The following EIF3M variants were observed in gnomAD, a reference collection of about 807,000 sequenced individuals.
EIF3M encodes the protein eukaryotic translation initiation factor 3 subunit M, also known as B5 receptor.
A neutral mutation model predicts 49.7 loss-of-function variants in EIF3M; 25 were observed. The observed-to-expected ratio is 0.50, with a 90% CI of 0.37 to 0.70. The LOEUF (loss-of-function observed/expected upper bound fraction) is 0.70. Ranked by LOEUF, EIF3M falls within the 30% of genes least tolerant of loss-of-function variation. The probability of loss-of-function intolerance (pLI) is 0.00; values close to 1 mark genes in which losing one functional copy is unlikely to be tolerated. For missense variants in EIF3M, 350 were observed against 440.0 expected (o/e 0.80, Z 1.83); for synonymous variants, 156 against 149.8 (o/e 1.04, Z -0.30).
intron 1 of EIF3M, among the ~76,000 whole-genome samples, chr11:32,585,833 T>G (rs1036305145): frequency 9.7e-6 from 1 of 102,962 alleles, no homozygotes; most frequent in Non-Finnish European, 2.0e-5. Flanking sequence ...AAAATCTTGA[T>G]GGCTTTGAAT....
At chr11:32,588,987 GTTTA>G (rs1279961074) in intron 3 of EIF3M, 21 bp from the exon 4 acceptor site, 1 of 1,611,116 alleles carries the variant, frequency 6.2e-7, no homozygotes, top group Non-Finnish European at 8.5e-7. Context: ...TTCAAACATT[GTTTA>G]TTTGTTTGTT....
At chr11:32,590,202 A>G (rs1819741099) in intron 5 of EIF3M, among the ~76,000 whole-genome samples, 1 of 152,204 alleles carries the variant, frequency 6.6e-6, no homozygotes. Flanking sequence ...AAAGGGTAAT[A>G]TTTCATGATA....
chr11:32,594,905 C>G lies in EIF3M; in HGVS notation c.618-9C>G, dbSNP rs1160107236. ...AACCCTGAGCTTACATTTTTGTTCT[C>G]TAATTAAGGTGTATTGTACGAGCAT... is the stretch of plus-strand genomic sequence containing the variant. On this transcript the variant is annotated splice_polypyrimidine_tract_variant and intron_variant, in intron 6 of 10. Coordinates refer to ENST00000531120, the MANE Select transcript of EIF3M (RefSeq NM_006360.6). The G allele has an allele frequency of 1.2e-6, 2 of 1,600,442 alleles. No individual in the cohort carries two copies. The highest frequency in any genetic ancestry group is 8.5e-7 in the Non-Finnish European group (1 of 1,175,274).
chr11:32,593,200 G>A (rs1855128943), intron 5 of EIF3M, among the ~76,000 whole-genome samples: 1 of 152,168 alleles, frequency 6.6e-6, no homozygotes, highest in South Asian at 2.1e-4. Flanking sequence ...CTTTCTATAA[G>A]CTGAAGATTC....
At position 32,604,738 on chromosome 11, in the gene EIF3M, T is replaced by G. The variant is rs1215442351; in HGVS notation, c.*2339T>G. 1 of 152,236 alleles carries G rather than the reference T, an allele frequency of 6.6e-6. No individual in the cohort carries two copies. The highest frequency in any genetic ancestry group is 6.5e-5 in the Admixed American group (1 of 15,286). 9.4% of individuals were successfully genotyped at this position (152,236 alleles called of 1,614,324 possible). A position where few individuals can be genotyped will look rare whatever the true frequency, so the allele number is the denominator to read the frequency against. On this transcript the variant is annotated 3_prime_UTR_variant, in exon 11 of 11. Coordinates refer to ENST00000531120, the MANE Select transcript of EIF3M (RefSeq NM_006360.6). The stretch of plus-strand genomic sequence containing the variant: ...GCAGTGATTATCATTTGTTCATAAA[T>G]CTTTGTGAAGATCTTTGGGTACTGC...
At chr11:32,584,845 A>T (rs570829399) in intron 1 of EIF3M, among the ~76,000 whole-genome samples, 1 of 152,258 alleles carries the variant, frequency 6.6e-6, no homozygotes, top group African/African-American at 2.4e-5. Context: ...TACAGGGCTG[A>T]TGGTTCTCAT....
intron 1 of EIF3M, 143 bp from the exon 2 acceptor site, chr11:32,586,868 AT>A: frequency 9.0e-7 from 1 of 1,111,486 alleles, no homozygotes; most frequent in Non-Finnish European, 1.2e-6. Context: ...GCCAAGATGG[AT>A]GAGGTGAGGG....
chr11:32,601,501 T>TAA (rs60498109), intron 9 of EIF3M: 526 of 217,044 alleles, frequency 2.4e-3, no homozygotes, highest in East Asian at 8.5e-3. Context: ...TAGCATTCTT[T>TAA]AAAAAAAAAA....
chr11:32,589,213 G>A (rs1239453339), intron 4 of EIF3M, 78 bp downstream of exon 4: 3 of 1,563,184 alleles, frequency 1.9e-6, no homozygotes, highest in Middle Eastern at 2.0e-4. Flanking sequence ...TTTCACTGTT[G>A]TTGCCCAGGC....
intron 8 of EIF3M, among the ~76,000 whole-genome samples, chr11:32,597,331 GT>G (rs1297742914): frequency 5.7e-5 from 8 of 141,322 alleles, no homozygotes; most frequent in East Asian, 1.9e-4. Flanking sequence ...GTAACAAATA[GT>G]TTTTTCCCCC....
chr11:32,595,310 C>T (rs1327973725), intron 7 of EIF3M, among the ~76,000 whole-genome samples: 1 of 152,052 alleles, frequency 6.6e-6, no homozygotes, highest in Non-Finnish European at 1.5e-5. Flanking sequence ...ACTGCAACCT[C>T]TGCCTCCCTG....
In EIF3M at chr11:32,604,716, G is replaced by A. The variant is rs1252127527; in HGVS notation, c.*2317G>A. 6.6e-6 allele frequency: 1 copy of A among 152,170 alleles called. No homozygotes were observed. The highest frequency in any genetic ancestry group is 2.4e-5 in the African/African-American group (1 of 41,448). 9.4% of individuals were successfully genotyped at this position (152,170 alleles called of 1,614,324 possible). A position where few individuals can be genotyped will look rare whatever the true frequency, so the allele number is the denominator to read the frequency against. On this transcript the variant is annotated 3_prime_UTR_variant, in exon 11 of 11. Coordinates refer to ENST00000531120, the MANE Select transcript of EIF3M (RefSeq NM_006360.6). ...AATGGTCACTGTTAACTAGGCTGCAGTGATTATCATTTGTTCATAAATCTT... is the reference window on the plus strand; with the variant it reads ...AATGGTCACTGTTAACTAGGCTGCAATGATTATCATTTGTTCATAAATCTT...
chr11:32,584,247 C>T (rs1209054989), intron 1 of EIF3M: 3 of 390,848 alleles, frequency 7.7e-6, no homozygotes, highest in Admixed American at 8.3e-5. Flanking sequence ...CAGCCACATT[C>T]GGAGTGGGAG....
intron 2 of EIF3M, among the ~76,000 whole-genome samples, chr11:32,588,210 G>A (rs1855030465): frequency 6.6e-6 from 1 of 152,038 alleles, no homozygotes; most frequent in Non-Finnish European, 1.5e-5. Flanking sequence ...CCAATATGGT[G>A]AAACCCCGTC....
chr11:32,591,733 T>C, intron 5 of EIF3M: 1 of 176,564 alleles, frequency 5.7e-6, no homozygotes, highest in Non-Finnish European at 1.3e-5. Context: ...GCAGCTTTTC[T>C]GACTTCTCCT....
Position 32,592,483 on chromosome 11 carries a change from G to A in EIF3M, c.534-1383G>A, listed in dbSNP as rs1855118661. 11 of 526,850 alleles carry A rather than the reference G, an allele frequency of 2.1e-5. 1 individual carries two copies. The highest frequency in any genetic ancestry group is 1.6e-4 in the South Asian group (11 of 67,464). 32.6% of individuals were successfully genotyped at this position (526,850 alleles called of 1,614,324 possible). On this transcript the variant is annotated intron_variant, in intron 5 of 10. Coordinates refer to ENST00000531120, the MANE Select transcript of EIF3M (RefSeq NM_006360.6). ...TTTTCTTCACTGTTGGATGGGCACT[G>A]GGCTTTACAGAACTCTCTCTAGAAA...
intron 5 of EIF3M, chr11:32,592,377 TG>T: frequency 3.6e-6 from 2 of 553,240 alleles, no homozygotes; most frequent in Non-Finnish European, 6.9e-6. Context: ...GTAACTTCTG[TG>T]GTTTCAATCT....
chr11:32,604,264 C>CA lies in EIF3M; in HGVS notation c.*1866dup. On this transcript the variant is annotated 3_prime_UTR_variant, in exon 11 of 11. Transcript: ENST00000531120. ...TTCACCTCCTGAGTACCTTGGACTACAGGCATGTGCCACCACACCCAGGTA... is the reference window on the plus strand; with the variant it reads ...TTCACCTCCTGAGTACCTTGGACTACAAGGCATGTGCCACCACACCCAGGTA... 1 of 152,184 alleles carries CA rather than the reference C, an allele frequency of 6.6e-6. No individual in the cohort carries two copies. The highest frequency in any genetic ancestry group is 6.5e-5 in the Admixed American group (1 of 15,270). The allele number at this position is 152,184 out of a possible 1,614,324, so 9.4% of individuals were successfully genotyped here.
At chr11:32,594,848 T>C in intron 6 of EIF3M, 66 bp from the exon 7 acceptor site, 3 of 1,454,106 alleles carry the variant, frequency 2.1e-6, no homozygotes, top group Non-Finnish European at 1.9e-6. Context: ...TTTTATGATC[T>C]GCAAAAACTC....
Sources: gnomAD v4.1 joint callset for allele counts (sites outside exome capture counted in the v4.1 genomes callset) on GRCh38, gnomAD v4.1.1 for gene constraint, MANE v1.5 for transcripts, NCBI Gene and HGNC (gene_info 2026-07-23, HGNC 2026-07-21) for gene names.